THADA: variants seen among roughly 807,000 people sequenced by gnomAD.
THADA encodes the protein THADA armadillo repeat containing.
A neutral mutation model predicts 219.8 loss-of-function variants in THADA; 213 were observed. That is an observed-to-expected ratio of 0.97 (90% CI 0.87 to 1.09). THADA has a LOEUF of 1.09. Among genes scored for constraint, THADA ranks in the 50% least tolerant of loss-of-function variants. The pLI is 0.00. For synonymous variants in THADA, 1,018 were observed against 828.9 expected, an observed-to-expected ratio of 1.23 and a Z score of -3.92; for missense variants, 2,956 against 2,311.3, an observed-to-expected ratio of 1.28 and a Z score of -5.72.
intron 26 of THADA, among the ~76,000 whole-genome samples, chr2:43,438,614 A>T (rs1380340860): frequency 1.3e-5 from 2 of 152,162 alleles, no homozygotes; most frequent in African/African-American, 2.4e-5. Context: ...AAACTGTAGT[A>T]TAGTAGTCCC....
intron 26 of THADA, among the ~76,000 whole-genome samples, chr2:43,432,358 A>G (rs971244243): frequency 2.0e-5 from 3 of 152,120 alleles, no homozygotes; most frequent in African/African-American, 7.2e-5. Context: ...ATGTTATTCA[A>G]TATATCAATA....
chr2:43,232,663 T>C, intron 37 of THADA, 50 bp downstream of exon 37: 1 of 1,594,382 alleles, frequency 6.3e-7, no homozygotes, highest in Non-Finnish European at 8.6e-7. Context: ...ATCTAGCGGG[T>C]TTAGGACACT....
intron 35 of THADA, among the ~76,000 whole-genome samples, chr2:43,281,566 C>G (rs572525209): frequency 1.1e-4 from 16 of 149,976 alleles, no homozygotes; most frequent in African/African-American, 3.9e-4. Flanking sequence ...CTGAGCCTCC[C>G]GGGTAGCTGG....
chr2:43,335,923 C>T (rs752566746), intron 30 of THADA, among the ~76,000 whole-genome samples: 1 of 151,894 alleles, frequency 6.6e-6, no homozygotes. Flanking sequence ...ATGGTGAAAT[C>T]CCATCTTACT....
intron 24 of THADA, among the ~76,000 whole-genome samples, chr2:43,505,403 G>A (rs900066052): frequency 6.6e-6 from 1 of 152,078 alleles, no homozygotes; most frequent in East Asian, 1.9e-4. Flanking sequence ...ATCTCCAGCA[G>A]AAACTTTTTG....
At chr2:43,555,733 AAAT>A (rs550720943) in intron 17 of THADA, among the ~76,000 whole-genome samples, 69 of 152,190 alleles carry the variant, frequency 4.5e-4, no homozygotes, top group Non-Finnish European at 5.7e-4. Context: ...ACCATCCTGG[AAAT>A]AATAATTTTT....
rs532857816 is a variant in THADA, at chr2:43,385,606, CAAAAAAAA to C, written c.4227+12357_4227+12364del. On this transcript the variant is annotated intron_variant, in intron 29 of 37. Coordinates refer to ENST00000405975, the MANE Select transcript of THADA (RefSeq NM_022065.5). Reference sequence around the variant, plus strand: ...TGGGCAACAGAGCGAGACTCCGTCTCAAAAAAAAAAAAAAAAAAAAAAAAGAAGAAGGG... The same window carrying C: ...TGGGCAACAGAGCGAGACTCCGTCTCAAAAAAAAAAAAAAAAGAAGAAGGG... Among the ~76,000 whole-genome samples, 373 of 49,934 alleles carry C rather than the reference CAAAAAAAA, an allele frequency of 7.5e-3. 2 individuals carry two copies. The highest frequency in any genetic ancestry group is 0.023 in the African/African-American group (360 of 15,458). The allele number at this position is 49,934 out of a possible 152,430, so 32.8% of individuals were successfully genotyped here.
At chr2:43,371,493 G>A (rs189838987) in intron 29 of THADA, among the ~76,000 whole-genome samples, 2 of 152,076 alleles carry the variant, frequency 1.3e-5, no homozygotes, top group Admixed American at 6.5e-5. Context: ...TTGTTGAGAG[G>A]GGAATGAACT....
At chr2:43,258,743 G>A (rs1670615802) in intron 36 of THADA, among the ~76,000 whole-genome samples, 1 of 152,172 alleles carries the variant, frequency 6.6e-6, no homozygotes, top group Non-Finnish European at 1.5e-5. Flanking sequence ...GAATGAAGCA[G>A]CACAGAGACT....
intron 29 of THADA, among the ~76,000 whole-genome samples, chr2:43,386,672 T>C (rs1051178860): frequency 1.3e-5 from 2 of 152,104 alleles, no homozygotes; most frequent in Non-Finnish European, 2.9e-5. Context: ...GACGGGTAGA[T>C]TACCTGAGGT....
chr2:43,232,761 C>T lies in THADA; in HGVS notation c.5418G>A (p.Leu1806=). The change falls in exon 37 of 38, where the codon CTG becomes CTA. Residue 1806 remains leucine, a synonymous_variant. Transcript: ENST00000405975. ...CCACGAGGTCATCACTCTCTCCCAA[C>T]AGCCATCCCAGCAGGATGGGCAGTC... is the stretch of plus-strand genomic sequence containing the variant. ...APGLPILLGW[L]LGESDDLVAC... 1.9e-6 allele frequency: 3 copies of T among 1,613,888 alleles called. No individual in the cohort carries two copies. The highest frequency in any genetic ancestry group is 1.1e-5 in the South Asian group (1 of 91,008).
chr2:43,281,758 T>G (rs1181220081), intron 35 of THADA, among the ~76,000 whole-genome samples: 1 of 151,614 alleles, frequency 6.6e-6, no homozygotes, highest in African/African-American at 2.4e-5. Context: ...TTTATGTCCT[T>G]TGCTTCTACC....
At chr2:43,265,752 G>A (rs773744767) in intron 36 of THADA, among the ~76,000 whole-genome samples, 7 of 151,982 alleles carry the variant, frequency 4.6e-5, no homozygotes, top group African/African-American at 9.7e-5. Context: ...AACACAAACC[G>A]AATCTCTTCT....
intron 34 of THADA, among the ~76,000 whole-genome samples, chr2:43,290,470 T>A (rs1351174041): frequency 6.6e-6 from 1 of 152,168 alleles, no homozygotes; most frequent in African/African-American, 2.4e-5. Context: ...GTTTTATCTC[T>A]GCCCAGCCTC....
intron 28 of THADA, among the ~76,000 whole-genome samples, chr2:43,401,948 TTTA>T (rs1402261018): frequency 6.9e-6 from 1 of 144,606 alleles, no homozygotes. Flanking sequence ...TGTTTTTTTT[TTTA>T]AAAAAAATTT....
At chr2:43,581,992 T>C (rs1280584174) in intron 7 of THADA, 64 bp from the exon 8 acceptor site, 1 of 1,247,180 alleles carries the variant, frequency 8.0e-7, no homozygotes, top group Non-Finnish European at 1.1e-6. Context: ...CATTTCTAAT[T>C]ATCAGCAAAA....
intron 36 of THADA, among the ~76,000 whole-genome samples, chr2:43,269,584 G>A (rs566526455): frequency 8.4e-4 from 128 of 152,346 alleles, no homozygotes; most frequent in Non-Finnish European, 1.4e-3. Context: ...GATGGCACAC[G>A]CAACTTGGAA....
intron 22 of THADA, among the ~76,000 whole-genome samples, chr2:43,518,843 C>A (rs149111161): frequency 6.6e-6 from 1 of 152,192 alleles, no homozygotes; most frequent in East Asian, 1.9e-4. Context: ...AAGGATTTCC[C>A]AGAATGCTGG....
At chr2:43,564,052 A>G (rs1269011134) in intron 15 of THADA, 2 of 152,266 alleles carry the variant, frequency 1.3e-5, no homozygotes, top group African/African-American at 2.4e-5. Flanking sequence ...AATTATAGGT[A>G]CGCTTCAGCC....
Sources: allele counts gnomAD v4.1 joint callset (sites outside exome capture counted in the v4.1 genomes callset), GRCh38; gene constraint gnomAD v4.1.1; transcripts MANE v1.5; gene names NCBI Gene and HGNC (gene_info 2026-07-23, HGNC 2026-07-21).